The following SCAPER variants were observed in gnomAD, a reference collection of about 807,000 sequenced individuals.
SCAPER encodes S phase cyclin A-associated protein in the endoplasmic reticulum.
In SCAPER, 98 loss-of-function variants were observed where a neutral mutation model predicts 182.2. The observed-to-expected ratio is 0.54, with a 90% confidence interval of 0.46 to 0.64. SCAPER has a LOEUF of 0.64. Among genes scored for constraint, SCAPER ranks in the 30% least tolerant of loss-of-function variants. The pLI, the probability that SCAPER is intolerant of heterozygous loss-of-function variation, is 0.00. For missense variants in SCAPER, 1,432 were observed against 1,690.0 expected, an observed-to-expected ratio of 0.85 and a Z score of 2.68; for synonymous variants, 605 against 564.6, an observed-to-expected ratio of 1.07 and a Z score of -1.01.
intron 22 of SCAPER, among the ~76,000 whole-genome samples, chr15:76,613,351 C>A (rs905914925): frequency 6.6e-6 from 1 of 152,138 alleles, no homozygotes; most frequent in Non-Finnish European, 1.5e-5. Context: ...CCATTTGGGA[C>A]ACAGGCATGG....
chr15:76,639,711 A>T (rs1703184255), intron 21 of SCAPER, among the ~76,000 whole-genome samples: 1 of 150,172 alleles, frequency 6.7e-6, no homozygotes, highest in African/African-American at 2.4e-5. Flanking sequence ...CTCTCATACA[A>T]CCTATTCCCC....
At chr15:76,442,169 C>T (rs1032228965) in intron 25 of SCAPER, among the ~76,000 whole-genome samples, 8 of 152,078 alleles carry the variant, frequency 5.3e-5, no homozygotes, top group Non-Finnish European at 8.8e-5. Flanking sequence ...ATGCAATATC[C>T]TACGTGTTCA....
chr15:76,660,632 A>G (rs2056072585), intron 21 of SCAPER, among the ~76,000 whole-genome samples: 1 of 152,164 alleles, frequency 6.6e-6, no homozygotes, highest in Non-Finnish European at 1.5e-5. Flanking sequence ...AAACAAAAAC[A>G]AACTACAGTT....
chr15:76,471,144 A>G, intron 25 of SCAPER, 68 bp downstream of exon 25: 2 of 1,197,806 alleles, frequency 1.7e-6, no homozygotes, highest in South Asian at 5.4e-5. Context: ...GAATTCTTTT[A>G]GTTTTCTCCA....
intron 25 of SCAPER, among the ~76,000 whole-genome samples, chr15:76,467,507 C>G (rs555843153): frequency 6.6e-6 from 1 of 151,098 alleles, no homozygotes; most frequent in South Asian, 2.1e-4. Context: ...GTGGCACAAT[C>G]ATGGCCCACT....
At chr15:76,630,590 T>A (rs2053017303) in intron 21 of SCAPER, among the ~76,000 whole-genome samples, 1 of 152,208 alleles carries the variant, frequency 6.6e-6, no homozygotes, top group Admixed American at 6.5e-5. Flanking sequence ...TTGTTAAATT[T>A]CCATGTAGTT....
At chr15:76,479,870 T>C (rs1261362787) in intron 24 of SCAPER, among the ~76,000 whole-genome samples, 1 of 152,190 alleles carries the variant, frequency 6.6e-6, no homozygotes, top group Admixed American at 6.5e-5. Flanking sequence ...TTTCACAAAA[T>C]CTACATGGGG....
intron 24 of SCAPER, among the ~76,000 whole-genome samples, chr15:76,491,788 C>T (rs573220639): frequency 5.3e-5 from 8 of 152,056 alleles, no homozygotes; most frequent in Non-Finnish European, 1.0e-4. Context: ...TTTGCCACCA[C>T]ACCCGGCTAA....
At chr15:76,675,402 T>G (rs1162247903) in intron 20 of SCAPER, among the ~76,000 whole-genome samples, 4 of 152,192 alleles carry the variant, frequency 2.6e-5, no homozygotes, top group Non-Finnish European at 5.9e-5. Context: ...AACAATCTTC[T>G]GCAGAAAAGT....
intron 4 of SCAPER, among the ~76,000 whole-genome samples, chr15:76,848,065 T>A (rs1272468179): frequency 6.6e-6 from 1 of 152,178 alleles, no homozygotes; most frequent in East Asian, 1.9e-4. Context: ...TGGAGTGCAA[T>A]GGCGTGATCT....
At chr15:76,672,072 T>A (rs192393552) in intron 20 of SCAPER, among the ~76,000 whole-genome samples, 3 of 152,200 alleles carry the variant, frequency 2.0e-5, no homozygotes, top group Admixed American at 1.3e-4. Flanking sequence ...AGGGATCCCT[T>A]CCAGGAGAAA....
intron 22 of SCAPER, among the ~76,000 whole-genome samples, chr15:76,579,542 A>C (rs543254662): frequency 1.9e-4 from 29 of 152,006 alleles, no homozygotes; most frequent in African/African-American, 5.5e-4. Flanking sequence ...TTCATAAAAA[A>C]AAAAATAAAA....
In SCAPER at chr15:76,728,666, T is replaced by C. The variant is rs2060733222; in HGVS notation, c.2094A>G (p.Gln698=). 8.7e-6 allele frequency: 14 copies of C among 1,613,736 alleles called. No individual in the cohort carries two copies. The highest frequency in any genetic ancestry group is 1.2e-5 in the Non-Finnish European group (14 of 1,179,732). The change falls in exon 17 of 32, where the codon CAA becomes CAG. Residue 698 remains glutamine, a synonymous_variant. Transcript: ENST00000563290. ...GCCTCTGTTGTTCAATTCGGGCTTC[T>C]TGTTCTTTCCTCTTCATTAACAATT... ...VEELLMKRKE[Q]EARIEQQRQE...
At chr15:76,809,369 A>G (rs1221095740) in intron 5 of SCAPER, among the ~76,000 whole-genome samples, 1 of 152,218 alleles carries the variant, frequency 6.6e-6, no homozygotes, top group Non-Finnish European at 1.5e-5. Flanking sequence ...GGTCAGAAGG[A>G]GTAATGCATA....
chr15:76,359,523 G>A (rs1243499809), intron 29 of SCAPER, among the ~76,000 whole-genome samples: 2 of 152,250 alleles, frequency 1.3e-5, no homozygotes, highest in Non-Finnish European at 2.9e-5. Flanking sequence ...CTGTGCATGT[G>A]TGTGTTTTGA....
intron 5 of SCAPER, among the ~76,000 whole-genome samples, chr15:76,807,378 T>C (rs1364061186): frequency 6.6e-6 from 1 of 152,220 alleles, no homozygotes; most frequent in Non-Finnish European, 1.5e-5. Flanking sequence ...CAACCACTCT[T>C]ACCTTCCTGG....
chr15:76,578,592 T>C (rs2048031161), intron 22 of SCAPER, among the ~76,000 whole-genome samples: 1 of 152,228 alleles, frequency 6.6e-6, no homozygotes, highest in Admixed American at 6.5e-5. Context: ...CTTCTGGATC[T>C]TATCCAAGAC....
At chr15:76,438,273 C>T (rs958396672) in intron 25 of SCAPER, among the ~76,000 whole-genome samples, 60 of 98,382 alleles carry the variant, frequency 6.1e-4, no homozygotes, top group African/African-American at 2.2e-3. Flanking sequence ...CTGTGTGAGA[C>T]TGTCTCAAAA....
intron 17 of SCAPER, among the ~76,000 whole-genome samples, chr15:76,709,967 C>A (rs2059475265): frequency 6.6e-6 from 1 of 152,182 alleles, no homozygotes. Flanking sequence ...AAAGTCCATT[C>A]ATGTTAAAGG....
Sources: gnomAD v4.1 joint callset for allele counts (sites outside exome capture counted in the v4.1 genomes callset) on GRCh38, gnomAD v4.1.1 for gene constraint, MANE v1.5 for transcripts, NCBI Gene and HGNC (gene_info 2026-07-23, HGNC 2026-07-21) for gene names.